HSD11B1: variants seen among roughly 807,000 people sequenced by gnomAD.
HSD11B1 encodes the protein hydroxysteroid 11-beta dehydrogenase 1.
A neutral mutation model predicts 22.1 loss-of-function variants in HSD11B1; 15 were observed. The observed-to-expected ratio is 0.68, with a 90% CI of 0.45 to 1.04. The LOEUF is 1.04. Among genes scored for constraint, HSD11B1 ranks in the 50% least tolerant of loss-of-function variants. The pLI is 0.00. For synonymous variants in HSD11B1, 122 were observed against 125.2 expected (o/e 0.97, Z 0.17); for missense variants, 281 against 357.6 (o/e 0.79, Z 1.73).
At chr1:209,732,344 A>G (rs564266506) in intron 4 of HSD11B1, 92 bp from the exon 5 acceptor site, 2 of 1,360,800 alleles carry the variant, frequency 1.5e-6, no homozygotes, top group South Asian at 1.2e-5. Context: ...AAGGGGTAAA[A>G]GGACACCATA....
At chr1:209,703,385 T>C (rs1463228260), upstream of HSD11B1, among the ~76,000 whole-genome samples, 2 of 152,186 alleles carry the variant, frequency 1.3e-5, no homozygotes, top group Non-Finnish European at 2.9e-5. Context: ...CCTGGTATCA[T>C]AAATATATTT....
chr1:209,732,362 C>A, intron 4 of HSD11B1, 74 bp from the exon 5 acceptor site: 1 of 1,536,236 alleles, frequency 6.5e-7, no homozygotes, highest in Non-Finnish European at 9.0e-7. Flanking sequence ...ATAGGAGTTA[C>A]AAAGCCTACT....
chr1:209,708,596 A>G (rs1011515701), intron 4 of HSD11B1, among the ~76,000 whole-genome samples: 6 of 152,222 alleles, frequency 3.9e-5, no homozygotes, highest in African/African-American at 1.4e-4. Context: ...TGCTGGGCAC[A>G]TCCCCAATCC....
At chr1:209,707,860 CT>C (rs1002795508) in intron 4 of HSD11B1, among the ~76,000 whole-genome samples, 24 of 151,782 alleles carry the variant, frequency 1.6e-4, no homozygotes, top group Admixed American at 1.4e-3. Context: ...GAGAAGTTAA[CT>C]GTTTTAACAA....
In HSD11B1 at chr1:209,734,172, A is replaced by G. The variant is rs565944580; in HGVS notation, c.662-132A>G. On this transcript the variant is annotated intron_variant, in intron 5 of 5. Coordinates refer to ENST00000367027, the MANE Select transcript of HSD11B1 (RefSeq NM_005525.4). Reference sequence around the variant, plus strand: ...TACCCAGTCTCTCCATGTATTCCCTATAGTGCCTGTGAGGCTTGCAGAGCA... The same window carrying G: ...TACCCAGTCTCTCCATGTATTCCCTGTAGTGCCTGTGAGGCTTGCAGAGCA... 1.8e-5 allele frequency: 13 copies of G among 715,520 alleles called. No homozygotes were observed. The African/African-American group carries it at 2.3e-4, about 12-fold the overall frequency. The allele number at this position is 715,520 out of a possible 1,614,324, so 44.3% of individuals were successfully genotyped here.
At chr1:209,705,754 G>A (rs1016179338) in intron 1 of HSD11B1, 57 bp from the exon 2 acceptor site, 1 of 1,608,888 alleles carries the variant, frequency 6.2e-7, no homozygotes. Flanking sequence ...CAGAGAGGGA[G>A]AAGGAATTTT....
intron 5 of HSD11B1, 99 bp from the exon 6 acceptor site, chr1:209,734,205 C>A (rs1254727934): frequency 7.7e-6 from 7 of 912,488 alleles, no homozygotes; most frequent in Non-Finnish European, 8.7e-6. Flanking sequence ...GCAAACACTG[C>A]CAAAAGCCCC....
In HSD11B1 at chr1:209,729,363, A is replaced by AACACAC. The variant is rs34574844; in HGVS notation, c.518-3047_518-3042dup. Among the ~76,000 whole-genome samples, 739 of 146,414 alleles carry AACACAC rather than the reference A, an allele frequency of 5.0e-3. 5 individuals are homozygous for AACACAC. The highest frequency in any genetic ancestry group is 0.016 in the African/African-American group (628 of 39,910). On this transcript the variant is annotated intron_variant, in intron 4 of 5. Coordinates refer to ENST00000367027, the MANE Select transcript of HSD11B1 (RefSeq NM_005525.4). ...AACAGAGCAAGACTCTGCCTCGGAA[A>AACACAC]ACACACACACACACACACACACACA...
At chr1:209,700,155 T>C (rs1205889834), upstream of HSD11B1, among the ~76,000 whole-genome samples, 1 of 152,236 alleles carries the variant, frequency 6.6e-6, no homozygotes, top group Non-Finnish European at 1.5e-5. Context: ...AGTGCCCCAG[T>C]AGGGACTCTG....
intron 4 of HSD11B1, among the ~76,000 whole-genome samples, chr1:209,726,641 A>G (rs946317165): frequency 2.0e-5 from 3 of 152,118 alleles, no homozygotes; most frequent in African/African-American, 7.2e-5. Context: ...CATGTCATGA[A>G]TTTTTCAGGT....
chr1:209,705,153 G>A, intron 1 of HSD11B1, 123 bp downstream of exon 1: 1 of 799,184 alleles, frequency 1.3e-6, no homozygotes, highest in Non-Finnish European at 2.2e-6. Context: ...GGAACCCTGA[G>A]TTAAGATGGT....
intron 4 of HSD11B1, among the ~76,000 whole-genome samples, chr1:209,711,853 G>C (rs760580501): frequency 5.3e-5 from 8 of 152,162 alleles, no homozygotes; most frequent in Non-Finnish European, 1.2e-4. Context: ...AGAAAGGAGT[G>C]GGGGAGATTT....
chr1:209,727,260 A>G (rs527468998), intron 4 of HSD11B1, among the ~76,000 whole-genome samples: 2 of 152,320 alleles, frequency 1.3e-5, no homozygotes, highest in Non-Finnish European at 2.9e-5. Flanking sequence ...ATTCCCTGCT[A>G]TAGGTTTTGG....
intron 4 of HSD11B1, among the ~76,000 whole-genome samples, chr1:209,727,123 T>A (rs1190077548): frequency 2.0e-5 from 3 of 152,088 alleles, no homozygotes; most frequent in Non-Finnish European, 4.4e-5. Flanking sequence ...TAACCTTATA[T>A]GAAGAGTAAA....
At chr1:209,728,502 A>G (rs562048443) in intron 4 of HSD11B1, among the ~76,000 whole-genome samples, 2 of 152,348 alleles carry the variant, frequency 1.3e-5, no homozygotes, top group Admixed American at 6.5e-5. Flanking sequence ...CACCTGGGTC[A>G]TCTGACTCTA....
chr1:209,695,735 A>G (rs1434800527), intron 1 of HSD11B1, among the ~76,000 whole-genome samples: 2 of 152,178 alleles, frequency 1.3e-5, no homozygotes, highest in Non-Finnish European at 2.9e-5. Context: ...TGAACCTGGG[A>G]GGTGGAGGTT....
chr1:209,722,096 C>T (rs1030727797), intron 4 of HSD11B1, among the ~76,000 whole-genome samples: 9 of 151,984 alleles, frequency 5.9e-5, no homozygotes, highest in Admixed American at 4.6e-4. Context: ...CGGTTTGGGC[C>T]CACCCTTCAA....
chr1:209,726,029 T>A (rs770594967), intron 4 of HSD11B1, among the ~76,000 whole-genome samples: 2 of 152,088 alleles, frequency 1.3e-5, no homozygotes, highest in African/African-American at 2.4e-5. Context: ...TGCATAATAG[T>A]TCATTTTTTT....
chr1:209,733,463 A>C (rs953194438), intron 5 of HSD11B1, among the ~76,000 whole-genome samples: 1 of 152,216 alleles, frequency 6.6e-6, no homozygotes, highest in Non-Finnish European at 1.5e-5. Flanking sequence ...CCTGGATAAG[A>C]TCCAGGAACA....
Sources: allele counts gnomAD v4.1 joint callset (sites outside exome capture counted in the v4.1 genomes callset), GRCh38; gene constraint gnomAD v4.1.1; transcripts MANE v1.5; gene names NCBI Gene and HGNC (gene_info 2026-07-23, HGNC 2026-07-21).